The following MELK variants were observed in gnomAD, a reference collection of about 807,000 sequenced individuals.
The protein encoded by MELK is maternal embryonic leucine zipper kinase, also known as pEg3 kinase.
A neutral mutation model predicts 85.0 loss-of-function variants in MELK; 81 were observed. That is an observed-to-expected ratio of 0.95 (90% CI 0.80 to 1.15). The LOEUF is 1.15. MELK is among the 50% of genes most tolerant of loss of function. The probability of loss-of-function intolerance (pLI) is 0.00; values close to 1 mark genes in which losing one functional copy is unlikely to be tolerated. For synonymous variants in MELK, 252 were observed against 265.0 expected, an observed-to-expected ratio of 0.95 and a Z score of 0.48; for missense variants, 754 against 777.5, an observed-to-expected ratio of 0.97 and a Z score of 0.36.
intron 13 of MELK, among the ~76,000 whole-genome samples, chr9:36,661,088 A>C (rs190198479): frequency 1.3e-3 from 199 of 152,332 alleles, no homozygotes; most frequent in African/African-American, 4.3e-3. Flanking sequence ...TTTTCTGAGC[A>C]TGAAGCTTTG....
intron 8 of MELK, among the ~76,000 whole-genome samples, chr9:36,623,193 A>G (rs1827603925): frequency 6.6e-6 from 1 of 152,232 alleles, no homozygotes; most frequent in African/African-American, 2.4e-5. Flanking sequence ...ATACACTACC[A>G]GATGTCCCCT....
At chr9:36,615,501 C>T (rs534763981) in intron 8 of MELK, among the ~76,000 whole-genome samples, 3 of 139,400 alleles carry the variant, frequency 2.2e-5, no homozygotes, top group South Asian at 2.2e-4. Context: ...CTGACCCCCC[C>T]CCACCTCCCT....
chr9:36,596,501 C>A (rs1824254375), intron 5 of MELK, among the ~76,000 whole-genome samples: 1 of 151,982 alleles, frequency 6.6e-6, no homozygotes, highest in South Asian at 2.1e-4. Flanking sequence ...TCGTGATCCA[C>A]CCGCCTAGGC....
intron 1 of MELK, among the ~76,000 whole-genome samples, chr9:36,574,050 T>C (rs770526004): frequency 2.0e-5 from 3 of 152,142 alleles, no homozygotes; most frequent in Non-Finnish European, 4.4e-5. Flanking sequence ...TTCCTAACTT[T>C]GGTTTAAATT....
At chr9:36,589,147 A>G (rs954631082) in intron 3 of MELK, among the ~76,000 whole-genome samples, 8 of 151,440 alleles carry the variant, frequency 5.3e-5, no homozygotes, top group Non-Finnish European at 8.8e-5. Flanking sequence ...AGCTTTTGCT[A>G]CTTAGTATTT....
At chr9:36,669,992 A>G (rs1360367190) in intron 15 of MELK, among the ~76,000 whole-genome samples, 2 of 152,244 alleles carry the variant, frequency 1.3e-5, no homozygotes, top group East Asian at 1.9e-4. Context: ...AAAGCTATAT[A>G]GTACAAAGCT....
chr9:36,608,415 G>C (rs191837460), intron 8 of MELK, among the ~76,000 whole-genome samples: 228 of 140,612 alleles, frequency 1.6e-3, no homozygotes, highest in African/African-American at 5.7e-3. Context: ...TATCAAACTT[G>C]TGTATATATA....
At chr9:36,581,575 C>A in intron 1 of MELK, 69 bp from the exon 2 acceptor site, 1 of 773,128 alleles carries the variant, frequency 1.3e-6, no homozygotes, top group Non-Finnish European at 2.2e-6. Flanking sequence ...TTTAGATTTG[C>A]AGTTACAAGA....
At chr9:36,584,466 C>T (rs1396296034) in intron 3 of MELK, among the ~76,000 whole-genome samples, 1 of 149,206 alleles carries the variant, frequency 6.7e-6, no homozygotes, top group African/African-American at 2.5e-5. Flanking sequence ...TACAGGTGCC[C>T]GCCACCATGC....
At chr9:36,620,572 T>A (rs1299226541) in intron 8 of MELK, among the ~76,000 whole-genome samples, 8 of 144,366 alleles carry the variant, frequency 5.5e-5, no homozygotes, top group Non-Finnish European at 1.2e-4. Context: ...TTTTTTGAGA[T>A]GGAGTCTCGC....
At chr9:36,666,907 GATGGTGTGTGTGT>G (rs1832427828) in intron 14 of MELK, among the ~76,000 whole-genome samples, 1 of 121,342 alleles carries the variant, frequency 8.2e-6, no homozygotes, top group Non-Finnish European at 1.8e-5. Context: ...GTGTGTGTGT[GATGGTGTGTGTGT>G]GGGGGGGTGC....
chr9:36,637,026 G>A (rs577311107), intron 10 of MELK, among the ~76,000 whole-genome samples: 1 of 152,004 alleles, frequency 6.6e-6, no homozygotes, highest in African/African-American at 2.4e-5. Context: ...TAGAGACGGG[G>A]TTTCACCATG....
chr9:36,574,820 C>T (rs796990608), intron 1 of MELK, among the ~76,000 whole-genome samples: 22 of 152,118 alleles, frequency 1.4e-4, no homozygotes, highest in African/African-American at 5.3e-4. Flanking sequence ...ATCCCAATTC[C>T]TTGCTCTTCT....
At chr9:36,621,892 A>G (rs899600429) in intron 8 of MELK, among the ~76,000 whole-genome samples, 1 of 152,228 alleles carries the variant, frequency 6.6e-6, no homozygotes, top group Non-Finnish European at 1.5e-5. Flanking sequence ...TGAATGCACT[A>G]GTAGATCCTA....
At chr9:36,629,034 T>A (rs1828243482) in intron 8 of MELK, among the ~76,000 whole-genome samples, 1 of 151,720 alleles carries the variant, frequency 6.6e-6, no homozygotes, top group African/African-American at 2.4e-5. Flanking sequence ...GCCCAGCTAA[T>A]TTTTGTATTT....
intron 1 of MELK, 122 bp from the exon 2 acceptor site, chr9:36,581,522 C>T: frequency 3.7e-6 from 2 of 538,720 alleles, no homozygotes; most frequent in Non-Finnish European, 6.6e-6. Context: ...TTCATATGGC[C>T]AATAATCAGT....
At chr9:36,656,193 T>C (rs1452788840) in intron 12 of MELK, among the ~76,000 whole-genome samples, 1 of 152,206 alleles carries the variant, frequency 6.6e-6, no homozygotes, top group Non-Finnish European at 1.5e-5. Context: ...GCTAATTTTC[T>C]TCCTGGTAGA....
intron 3 of MELK, among the ~76,000 whole-genome samples, chr9:36,584,230 C>T (rs1246553046): frequency 2.0e-5 from 3 of 151,640 alleles, no homozygotes; most frequent in African/African-American, 4.8e-5. Context: ...TGGTCTCAAT[C>T]TCCTGACCCC....
At chr9:36,669,219 A>T in intron 14 of MELK, 91 bp from the exon 15 acceptor site, 1 of 766,204 alleles carries the variant, frequency 1.3e-6, no homozygotes, top group Non-Finnish European at 2.0e-6. Context: ...GAGTCAATGA[A>T]TAATGTGATA....
Sources: allele counts gnomAD v4.1 joint callset (sites outside exome capture counted in the v4.1 genomes callset), GRCh38; gene constraint gnomAD v4.1.1; transcripts MANE v1.5; gene names NCBI Gene and HGNC (gene_info 2026-07-23, HGNC 2026-07-21).